Variants in DENND2B observed in about 807,000 individuals in gnomAD.
The protein encoded by DENND2B is DENN domain containing 2B.
In DENND2B, 32 loss-of-function variants were observed where a neutral mutation model predicts 116.0. The ratio of observed to expected loss-of-function variants is 0.28; its 90% confidence interval spans 0.21 to 0.37. The LOEUF is 0.37. Ranked by LOEUF, DENND2B falls within the 10% of genes least tolerant of loss-of-function variation. The probability of loss-of-function intolerance (pLI) is 1.00; values close to 1 mark genes in which losing one functional copy is unlikely to be tolerated. For synonymous variants in DENND2B, 588 were observed against 583.9 expected (o/e 1.01, Z -0.10); for missense variants, 1,276 against 1,477.7 (o/e 0.86, Z 2.24).
chr11:8,876,762 C>T (rs1045360730), intron 2 of DENND2B, among the ~76,000 whole-genome samples: 1 of 151,902 alleles, frequency 6.6e-6, no homozygotes, highest in South Asian at 2.1e-4. Flanking sequence ...CCTGTAATCC[C>T]AGCTACTTGG....
chr11:8,709,466 G>A (rs1171245280), intron 11 of DENND2B, among the ~76,000 whole-genome samples: 1 of 152,168 alleles, frequency 6.6e-6, no homozygotes, highest in Non-Finnish European at 1.5e-5. Context: ...CTCCATCTAT[G>A]TTCCAGCAAA....
At chr11:8,727,749 A>G (rs184831379) in intron 3 of DENND2B, among the ~76,000 whole-genome samples, 6 of 152,312 alleles carry the variant, frequency 3.9e-5, no homozygotes, top group Admixed American at 6.5e-5. Flanking sequence ...TGGCATATAC[A>G]GTAGACTCAG....
chr11:8,728,263 A>G (rs1450569093), intron 3 of DENND2B, among the ~76,000 whole-genome samples: 1 of 152,136 alleles, frequency 6.6e-6, no homozygotes, highest in African/African-American at 2.4e-5. Context: ...TTAGCCTCCC[A>G]AAGTGCTGGA....
At chr11:8,864,427 TC>T (rs2063509295) in intron 2 of DENND2B, among the ~76,000 whole-genome samples, 1 of 151,974 alleles carries the variant, frequency 6.6e-6, no homozygotes, top group Admixed American at 6.6e-5. Context: ...ACCGCCACGC[TC>T]GGCTAATTTT....
intron 1 of DENND2B, among the ~76,000 whole-genome samples, chr11:8,774,952 C>T (rs2057427112): frequency 6.6e-6 from 1 of 151,516 alleles, no homozygotes; most frequent in Non-Finnish European, 1.5e-5. Context: ...GTGATCTTGG[C>T]TCACTGCAAC....
At chr11:8,818,272 T>TAAA (rs1367813661) in intron 4 of DENND2B, among the ~76,000 whole-genome samples, 1 of 149,122 alleles carries the variant, frequency 6.7e-6, no homozygotes, top group African/African-American at 2.5e-5. Context: ...CTAATAATAA[T>TAAA]AATAATAATA....
intron 2 of DENND2B, among the ~76,000 whole-genome samples, chr11:8,741,653 T>C (rs943048776): frequency 4.6e-5 from 7 of 152,144 alleles, no homozygotes; most frequent in African/African-American, 1.7e-4. Flanking sequence ...TAGCATACAA[T>C]ACAAGTGATG....
intron 14 of DENND2B, among the ~76,000 whole-genome samples, chr11:8,700,910 C>T (rs1163024000): frequency 3.9e-5 from 6 of 152,068 alleles, no homozygotes; most frequent in African/African-American, 1.4e-4. Flanking sequence ...CAACCTCCAC[C>T]TCCTGGATTC....
chr11:8,698,167 G>GA (rs1565620404), intron 16 of DENND2B, among the ~76,000 whole-genome samples: 1 of 53,316 alleles, frequency 1.9e-5, no homozygotes, highest in African/African-American at 4.8e-5. Context: ...AAAAAAAAAA[G>GA]GGGGTAGAGC....
At chr11:8,869,158 G>A (rs2063687693) in intron 2 of DENND2B, among the ~76,000 whole-genome samples, 3 of 152,088 alleles carry the variant, frequency 2.0e-5, no homozygotes, top group Admixed American at 2.0e-4. Flanking sequence ...TTTCCCCAAG[G>A]AGTCCACAAA....
intron 1 of DENND2B, among the ~76,000 whole-genome samples, chr11:8,888,166 G>T (rs2063983450): frequency 6.6e-6 from 1 of 152,048 alleles, no homozygotes; most frequent in Non-Finnish European, 1.5e-5. Context: ...CTAAATTGTG[G>T]TTAATTTTGG....
chr11:8,843,260 G>A (rs980832116), intron 3 of DENND2B, among the ~76,000 whole-genome samples: 6 of 151,942 alleles, frequency 3.9e-5, no homozygotes, highest in Admixed American at 1.3e-4. Flanking sequence ...CGCCCACCTC[G>A]GCCTCCCAAA....
chr11:8,726,159 G>C lies in DENND2B; in HGVS notation c.1391C>G (p.Ser464Cys). ...CTCAGTACCATTCTCAGTGGGAGAA[G>C]AGGGGTACAGGGACTGGAGACTGGA... ...DASSLQSLYP[S>C]SPTENGTENQ... Residue 464 changes from serine (S) to cysteine (C), a missense_variant, in exon 4 of 20, where the codon TCT (serine) becomes TGT (cysteine). Ser to Cys is a moderately radical substitution (Grantham distance 112). Around this residue, in one of 2 missense-constraint regions of DENND2B, gnomAD observed 856 missense variants for 846.6 expected, o/e 1.01. Coordinates refer to ENST00000313726, the MANE Select transcript of DENND2B (RefSeq NM_213618.2). 1 of 1,614,148 alleles carries C rather than the reference G, an allele frequency of 6.2e-7. No homozygotes were observed. The highest frequency in any genetic ancestry group is 8.5e-7 in the Non-Finnish European group (1 of 1,180,012).
intron 4 of DENND2B, among the ~76,000 whole-genome samples, chr11:8,816,774 A>T (rs1364411733): frequency 6.9e-6 from 1 of 144,394 alleles, no homozygotes; most frequent in Non-Finnish European, 1.5e-5. Flanking sequence ...GGAATGGTAA[A>T]ATCCTAGGCA....
chr11:8,742,377 G>T (rs1225714263), intron 2 of DENND2B, among the ~76,000 whole-genome samples: 1 of 151,980 alleles, frequency 6.6e-6, no homozygotes, highest in Non-Finnish European at 1.5e-5. Context: ...AATATATTTT[G>T]GCGCCTGCAA....
At chr11:8,855,804 A>G (rs979632332) in intron 3 of DENND2B, among the ~76,000 whole-genome samples, 1 of 152,080 alleles carries the variant, frequency 6.6e-6, no homozygotes, top group Admixed American at 6.5e-5. Context: ...GATTAGGGAG[A>G]AGGTGTAAAG....
At position 8,707,382 on chromosome 11, in the gene DENND2B, C is replaced by T. The variant is rs1430992497; in HGVS notation, c.2431-157G>A. ...CCATGATCTGCACACTCTACCCTTC[C>T]CGTTTTCCTTGGCACTCAGTGACTC... On this transcript the variant is annotated intron_variant, in intron 12 of 19. Transcript: ENST00000313726. The surrounding 1 kb of genome is among the most constrained non-coding windows in gnomAD (Gnocchi z 4.8). 1 of 987,432 alleles carries T rather than the reference C, an allele frequency of 1.0e-6. No homozygotes were observed. The highest frequency in any genetic ancestry group is 2.9e-5 in the Admixed American group (1 of 33,934). 61.2% of individuals were successfully genotyped at this position (987,432 alleles called of 1,614,324 possible).
At chr11:8,842,134 C>T (rs974698990) in intron 3 of DENND2B, among the ~76,000 whole-genome samples, 1 of 152,162 alleles carries the variant, frequency 6.6e-6, no homozygotes, top group Admixed American at 6.5e-5. Context: ...AAGTTGTGAA[C>T]GGCACATAGT....
At chr11:8,834,752 TA>T (rs2062354084) in intron 4 of DENND2B, among the ~76,000 whole-genome samples, 1 of 152,174 alleles carries the variant, frequency 6.6e-6, no homozygotes, top group Non-Finnish European at 1.5e-5. Flanking sequence ...GTGTTTTCAC[TA>T]AAAGCTCCTT....
Sources: allele counts gnomAD v4.1 joint callset (sites outside exome capture counted in the v4.1 genomes callset), GRCh38; gene constraint gnomAD v4.1.1; regional missense constraint gnomAD v4.1.1; non-coding constraint Gnocchi (gnomAD v3.1); transcripts MANE v1.5; gene names NCBI Gene and HGNC (gene_info 2026-07-23, HGNC 2026-07-21).